MYO1H: variants seen among roughly 807,000 people sequenced by gnomAD.
MYO1H encodes myosin IH, also known as unconventional myosin-Ih.
Under a neutral mutation model 149.3 loss-of-function variants are expected in MYO1H, and 118 were observed. That is an observed-to-expected ratio of 0.79 (90% CI 0.68 to 0.92). The LOEUF (loss-of-function observed/expected upper bound fraction) is 0.92, where lower values mean the gene tolerates loss of function less well. Among genes scored for constraint, MYO1H ranks in the 40% least tolerant of loss-of-function variants. The pLI is 0.00. For synonymous variants in MYO1H, 447 were observed against 465.2 expected, an observed-to-expected ratio of 0.96 and a Z score of 0.50; for missense variants, 1,212 against 1,280.7, an observed-to-expected ratio of 0.95 and a Z score of 0.82.
rs569201669 is a variant in MYO1H at position 109,353,818 on chromosome 12, A to AT, written c.12+5855dup. 1.7e-4 allele frequency among the ~76,000 whole-genome samples: 25 copies of AT among 151,386 alleles called. No individual in the cohort carries two copies. In the South Asian group the frequency reaches 5.0e-3, roughly 31 times the overall value. On this transcript the variant is annotated intron_variant, in intron 1 of 31. Coordinates refer to ENST00000310903, the Ensembl canonical transcript of MYO1H. ...AGGCACCCACCACCACACTTGGCTA[A>AT]TTTTTTTTTATTTTTAGTAGAAACG...
At chr12:109,439,448 C>G (rs1365272605) in intron 23 of MYO1H, 183 bp from the exon 24 acceptor site, 3 of 507,570 alleles carry the variant, frequency 5.9e-6, no homozygotes, top group East Asian at 6.2e-5. Flanking sequence ...CTCCTCAAAA[C>G]AAAACAAAAG....
intron 1 of MYO1H, among the ~76,000 whole-genome samples, chr12:109,364,788 T>C (rs1368654376): frequency 2.0e-5 from 3 of 152,218 alleles, no homozygotes; most frequent in Non-Finnish European, 4.4e-5. Flanking sequence ...ATGATAATGT[T>C]ACCTTTCAAA....
At chr12:109,371,205 T>C (rs185053004) in intron 1 of MYO1H, among the ~76,000 whole-genome samples, 1,522 of 144,028 alleles carry the variant, frequency 0.011, 16 homozygotes, top group Non-Finnish European at 0.015. Context: ...GTTTTCTTTT[T>C]TTTCTTTCTT....
At chr12:109,314,786 T>C in the MYO1H span, among the ~76,000 whole-genome samples, 4 of 152,084 alleles carry the variant, frequency 2.6e-5, no homozygotes, top group Admixed American at 6.6e-5. Context: ...CCTTGTTCTG[T>C]AGCTACATGG....
At chr12:109,426,213 C>T (rs1871347387) in intron 18 of MYO1H, among the ~76,000 whole-genome samples, 162 bp downstream of exon 18, 1 of 152,198 alleles carries the variant, frequency 6.6e-6, no homozygotes, top group African/African-American at 2.4e-5. Flanking sequence ...CCAGATGTTA[C>T]AGGCTTATGC....
the MYO1H span, among the ~76,000 whole-genome samples, chr12:109,328,991 T>C: frequency 6.6e-6 from 1 of 152,016 alleles, no homozygotes; most frequent in Admixed American, 6.6e-5. Flanking sequence ...ACAGTTGTGG[T>C]ACATCAGCTC....
the MYO1H span, among the ~76,000 whole-genome samples, chr12:109,342,795 G>A: frequency 1.3e-5 from 2 of 151,316 alleles, no homozygotes; most frequent in Non-Finnish European, 2.9e-5. Flanking sequence ...CTCCCACCTC[G>A]GCCTCTGAAA....
At chr12:109,321,046 C>G in the MYO1H span, among the ~76,000 whole-genome samples, 4 of 151,866 alleles carry the variant, frequency 2.6e-5, no homozygotes, top group African/African-American at 4.8e-5. Context: ...CAAGATCGTG[C>G]CACTGCACTC....
intron 5 of MYO1H, among the ~76,000 whole-genome samples, chr12:109,398,754 A>T (rs1299297288): frequency 6.6e-6 from 1 of 151,472 alleles, no homozygotes; most frequent in Non-Finnish European, 1.5e-5. Context: ...AAAAAAAAAA[A>T]AAAAAAAAAA....
chr12:109,320,903 C>T, the MYO1H span, among the ~76,000 whole-genome samples: 2 of 151,970 alleles, frequency 1.3e-5, no homozygotes, highest in African/African-American at 2.4e-5. Flanking sequence ...TCCTGGCCAA[C>T]GTGGTGAAAC....
At chr12:109,395,743 A>AG (rs1043765225) in intron 3 of MYO1H, among the ~76,000 whole-genome samples, 1 of 148,828 alleles carries the variant, frequency 6.7e-6, no homozygotes, top group African/African-American at 2.6e-5. Flanking sequence ...TCAAAAAAAA[A>AG]AAAAAATTCT....
At position 109,362,638 on chromosome 12, in the gene MYO1H, G is replaced by A. The variant is rs78128815; in HGVS notation, c.12+14666G>A. ...AAAAGAGGATGGGTTTGATCTAACGGTAATAAACCGGGAGAAACTTAGCAA... is the reference window on the plus strand; with the variant it reads ...AAAAGAGGATGGGTTTGATCTAACGATAATAAACCGGGAGAAACTTAGCAA... On this transcript the variant is annotated intron_variant, in intron 1 of 31. Coordinates refer to ENST00000310903, the Ensembl canonical transcript of MYO1H. Among the ~76,000 whole-genome samples, 1,456 of 152,282 alleles carry A rather than the reference G, an allele frequency of 9.6e-3. 20 individuals are homozygous for A. Among genetic ancestry groups the A allele is most frequent in the African/African-American group, 0.033 (1,367 of 41,552 alleles).
At chr12:109,362,514 ACAT>A (rs1868775717) in intron 1 of MYO1H, among the ~76,000 whole-genome samples, 1 of 152,240 alleles carries the variant, frequency 6.6e-6, no homozygotes, top group South Asian at 2.1e-4. Flanking sequence ...TTTGTTTAAC[ACAT>A]CACAGGAGCC....
chr12:109,443,797 G>T, intron 28 of MYO1H, 148 bp downstream of exon 28: 1 of 799,376 alleles, frequency 1.3e-6, no homozygotes, highest in Non-Finnish European at 1.9e-6. Context: ...CAGCTACTCG[G>T]AAGGCTGAGG....
At chr12:109,444,841 C>G (rs1352111593) in intron 30 of MYO1H, among the ~76,000 whole-genome samples, 1 of 151,068 alleles carries the variant, frequency 6.6e-6, no homozygotes, top group Admixed American at 6.6e-5. Flanking sequence ...GCACTCCAGC[C>G]TGGGCAACAG....
chr12:109,388,285 T>C (rs1230596840), intron 1 of MYO1H, among the ~76,000 whole-genome samples: 1 of 152,238 alleles, frequency 6.6e-6, no homozygotes, highest in African/African-American at 2.4e-5. Context: ...AAAGCAAGTC[T>C]GGGTATGTTG....
chr12:109,365,459 G>A (rs757727993), intron 1 of MYO1H, among the ~76,000 whole-genome samples: 11 of 152,144 alleles, frequency 7.2e-5, no homozygotes, highest in Non-Finnish European at 1.3e-4. Flanking sequence ...TGGCTTCGGG[G>A]CTTTCTTCTC....
chr12:109,427,897 A>T lies in MYO1H; in HGVS notation c.1949+311A>T, dbSNP rs1272962230. Among the ~76,000 whole-genome samples, 113 of 51,772 alleles carry T rather than the reference A, an allele frequency of 2.2e-3. 7 individuals are homozygous for T. Among genetic ancestry groups the T allele is most frequent in the African/African-American group, 8.4e-3 (101 of 11,972 alleles). The allele number at this position is 51,772 out of a possible 152,430, so 34.0% of individuals were successfully genotyped here. A position where few individuals can be genotyped will look rare whatever the true frequency, so the allele number is the denominator to read the frequency against. Reference sequence around the variant, plus strand: ...CAATCTCTACAAAAAAAAAAAAAAAAAAAAAAAAAAAAATATATATATATA... The same window carrying T: ...CAATCTCTACAAAAAAAAAAAAAAATAAAAAAAAAAAAATATATATATATA... On this transcript the variant is annotated intron_variant, in intron 19 of 31. Transcript: ENST00000310903.
the MYO1H span, among the ~76,000 whole-genome samples, chr12:109,311,842 T>C: frequency 7.9e-5 from 12 of 152,352 alleles, no homozygotes; most frequent in Middle Eastern, 0.01. Context: ...GACCTCCGAT[T>C]ATACAAGAAA....
Sources: allele counts gnomAD v4.1 joint callset (sites outside exome capture counted in the v4.1 genomes callset), GRCh38; gene constraint gnomAD v4.1.1; transcripts MANE v1.5; gene names NCBI Gene and HGNC (gene_info 2026-07-23, HGNC 2026-07-21).